The following RSPRY1 variants were observed in gnomAD, a reference collection of about 807,000 sequenced individuals.
The protein encoded by RSPRY1 is RING finger and SPRY domain-containing protein 1.
A neutral mutation model predicts 73.1 loss-of-function variants in RSPRY1; 23 were observed. That is an observed-to-expected ratio of 0.31 (90% confidence interval 0.23 to 0.45). The LOEUF (loss-of-function observed/expected upper bound fraction) is 0.45, where lower values mean the gene tolerates loss of function less well. Among genes scored for constraint, RSPRY1 ranks in the 20% least tolerant of loss-of-function variants. The probability of loss-of-function intolerance (pLI) is 1.00; values close to 1 mark genes in which losing one functional copy is unlikely to be tolerated. For synonymous variants in RSPRY1, 226 were observed against 251.4 expected (o/e 0.90, Z 0.95); for missense variants, 448 against 698.7 (o/e 0.64, Z 4.05).
At chr16:57,236,359 T>C (rs144055620) in intron 14 of RSPRY1, among the ~76,000 whole-genome samples, 220 of 152,282 alleles carry the variant, frequency 1.4e-3, no homozygotes, top group African/African-American at 5.0e-3. Flanking sequence ...GATCATAGTC[T>C]CCATAGTAGA....
chr16:57,221,906 T>G (rs1186178063), intron 10 of RSPRY1, among the ~76,000 whole-genome samples: 1 of 152,238 alleles, frequency 6.6e-6, no homozygotes, highest in Non-Finnish European at 1.5e-5. Context: ...TATAGAAAGC[T>G]ATAATATAAA....
chr16:57,201,156 T>G (rs1373389074), intron 1 of RSPRY1, among the ~76,000 whole-genome samples: 2 of 148,816 alleles, frequency 1.3e-5, no homozygotes, highest in African/African-American at 5.0e-5. Context: ...TCCTCACTTC[T>G]CAGACGGTGT....
intron 12 of RSPRY1, 60 bp downstream of exon 12, chr16:57,230,873 G>A: frequency 7.3e-6 from 7 of 954,342 alleles, no homozygotes; most frequent in East Asian, 2.5e-5. Context: ...TTTTCTCTAG[G>A]AAAAAAAAAG....
rs2074936391 is a variant in RSPRY1 at position 57,216,126 on chromosome 16, C to A, written c.722C>A (p.Thr241Lys). 6.2e-7 allele frequency: 1 copy of A among 1,607,694 alleles called. No individual in the cohort carries two copies. The highest frequency in any genetic ancestry group is 8.5e-7 in the Non-Finnish European group (1 of 1,176,004). ...LQCLKLQSHPTVMLFALIALE... is the reference protein window; with the variant it reads ...LQCLKLQSHPKVMLFALIALE... The stretch of plus-strand genomic sequence containing the variant: ...TTTCAGAAGTTACAGTCCCACCCCA[C>A]AGTCATGCTTTTTGCACTTATCGCA... The change falls in exon 7 of 15, where the codon ACA (threonine) becomes AAA (lysine). Residue 241 changes from threonine (T) to lysine (K), a missense_variant. Thr to Lys is a moderately conservative substitution (Grantham distance 78). Transcript: ENST00000394420.
rs1421541178 is a variant in RSPRY1 at position 57,202,888 on chromosome 16, A to ATATATATATG, written c.-155-1607_-155-1606insGTATATATAT. ...TTTTATTACATATGATTATATATAT[A>ATATATATATG]TATATATATATATATATATCTGAAG... On this transcript the variant is annotated intron_variant, in intron 1 of 14. Coordinates refer to ENST00000394420, the MANE Select transcript of RSPRY1 (RefSeq NM_133368.3). 3.8e-4 allele frequency among the ~76,000 whole-genome samples: 53 copies of ATATATATATG among 140,860 alleles called. 5 individuals are homozygous for ATATATATATG. The East Asian group carries it at 9.1e-3, about 24-fold the overall frequency. 92.4% of individuals were successfully genotyped at this position (140,860 alleles called of 152,430 possible).
chr16:57,221,251 C>T (rs2075029990), intron 9 of RSPRY1, 21 bp from the exon 10 acceptor site: 1 of 1,612,582 alleles, frequency 6.2e-7, no homozygotes, highest in East Asian at 2.2e-5. Context: ...AGTTGATTGA[C>T]ACATTTTTTG....
chr16:57,217,406 C>T (rs2074958745), intron 8 of RSPRY1, among the ~76,000 whole-genome samples: 1 of 152,156 alleles, frequency 6.6e-6, no homozygotes, highest in South Asian at 2.1e-4. Context: ...GGAATTCCCT[C>T]TTTACTTCTC....
At chr16:57,224,278 C>T (rs144729278) in intron 10 of RSPRY1, 7 of 152,336 alleles carry the variant, frequency 4.6e-5, no homozygotes, top group Middle Eastern at 3.4e-3. Flanking sequence ...ATGGGAAGGT[C>T]CAGCTGGCCA....
chr16:57,230,806 T>G lies in RSPRY1; in HGVS notation c.1369T>G (p.Ser457Ala). The stretch of plus-strand genomic sequence containing the variant: ...GCCTCCTGAAAAGCAAGTCTTTTCA[T>G]CTACTGTGTAAGTAGCTCTTCTCAG... ...QLPPEKQVFS[S>A]TVSGFFAAAS... The change falls in exon 12 of 15, where the codon TCT (serine) becomes GCT (alanine). Residue 457 changes from serine (S) to alanine (A), a missense_variant. Ser to Ala is a moderately conservative substitution (Grantham distance 99). Transcript: ENST00000394420. 1 of 1,590,966 alleles carries G rather than the reference T, an allele frequency of 6.3e-7. No homozygotes were observed. Among genetic ancestry groups the G allele is most frequent in the Non-Finnish European group, 8.6e-7 (1 of 1,160,044 alleles).
chr16:57,203,192 A>G (rs1312167062), intron 1 of RSPRY1, among the ~76,000 whole-genome samples: 1 of 151,984 alleles, frequency 6.6e-6, no homozygotes, highest in Non-Finnish European at 1.5e-5. Context: ...GTTACTCGAG[A>G]GGCTGAGGTA....
chr16:57,232,036 A>T (rs1325208557), intron 13 of RSPRY1, among the ~76,000 whole-genome samples: 1 of 152,218 alleles, frequency 6.6e-6, no homozygotes, highest in Non-Finnish European at 1.5e-5. Flanking sequence ...AATGTGAGCT[A>T]AAGTTTATCA....
At chr16:57,213,792 G>T (rs2074890320) in intron 5 of RSPRY1, 96 bp from the exon 6 acceptor site, 2 of 896,256 alleles carry the variant, frequency 2.2e-6, no homozygotes, top group Non-Finnish European at 3.7e-6. Context: ...AAGATAATGT[G>T]CATGAAAGAG....
chr16:57,222,666 T>C (rs978278466), intron 10 of RSPRY1, among the ~76,000 whole-genome samples: 1 of 152,222 alleles, frequency 6.6e-6, no homozygotes, highest in Admixed American at 6.5e-5. Flanking sequence ...CAGAATTCAG[T>C]GGCCTTCCTA....
At chr16:57,202,904 A>ATATATATATATG (rs1484372029) in intron 1 of RSPRY1, among the ~76,000 whole-genome samples, 1 of 141,886 alleles carries the variant, frequency 7.0e-6, no homozygotes, top group Non-Finnish European at 1.5e-5. Context: ...ATATATATAT[A>ATATATATATATG]TATCTGAAGA....
At chr16:57,221,165 C>A in intron 9 of RSPRY1, 107 bp from the exon 10 acceptor site, 3 of 1,363,810 alleles carry the variant, frequency 2.2e-6, no homozygotes, top group Non-Finnish European at 3.0e-6. Context: ...CAATAGTCCA[C>A]CAGAAGTTTT....
At chr16:57,234,932 A>G (rs1443267142) in intron 13 of RSPRY1, among the ~76,000 whole-genome samples, 192 bp from the exon 14 acceptor site, 1 of 152,234 alleles carries the variant, frequency 6.6e-6, no homozygotes, top group African/African-American at 2.4e-5. Context: ...GGGAATGGTT[A>G]TACCTCCTTC....
At chr16:57,190,214 C>T (rs1253925887) in intron 1 of RSPRY1, among the ~76,000 whole-genome samples, 2 of 151,926 alleles carry the variant, frequency 1.3e-5, no homozygotes, top group African/African-American at 4.8e-5. Flanking sequence ...CAAAAAAATA[C>T]AAAAATTAGC....
At chr16:57,215,929 C>G (rs1240306340) in intron 6 of RSPRY1, among the ~76,000 whole-genome samples, 178 bp from the exon 7 acceptor site, 1 of 152,138 alleles carries the variant, frequency 6.6e-6, no homozygotes, top group African/African-American at 2.4e-5. Flanking sequence ...AGAGCCTGTC[C>G]AGTTCATTAC....
intron 8 of RSPRY1, among the ~76,000 whole-genome samples, chr16:57,219,234 A>G (rs1464357643): frequency 6.6e-6 from 1 of 152,212 alleles, no homozygotes; most frequent in East Asian, 1.9e-4. Flanking sequence ...AGGAACCTCC[A>G]TACTGTTCTC....
Sources: allele counts gnomAD v4.1 joint callset (sites outside exome capture counted in the v4.1 genomes callset), GRCh38; gene constraint gnomAD v4.1.1; transcripts MANE v1.5; gene names NCBI Gene and HGNC (gene_info 2026-07-23, HGNC 2026-07-21).